ZSWIM6: variants seen among roughly 807,000 people sequenced by gnomAD.
ZSWIM6 encodes zinc finger SWIM-type containing 6.
ZSWIM6 carries 9 observed loss-of-function variants against 113.2 expected under a neutral mutation model. The observed-to-expected ratio is 0.08, with a 90% CI of 0.05 to 0.14. ZSWIM6 has a LOEUF of 0.14. Among genes scored for constraint, ZSWIM6 ranks in the 10% least tolerant of loss-of-function variants. The pLI is 1.00. For synonymous variants in ZSWIM6, 611 were observed against 606.5 expected (o/e 1.01, Z -0.11); for missense variants, 1,162 against 1,552.2 (o/e 0.75, Z 4.22).
At chr5:61,455,960 C>G (rs1039692005) in intron 1 of ZSWIM6, among the ~76,000 whole-genome samples, 11 of 152,060 alleles carry the variant, frequency 7.2e-5, no homozygotes, top group Admixed American at 5.2e-4. Context: ...CAGGCTGAAC[C>G]TTTTATTCTT....
At chr5:61,339,160 TGACA>T (rs1744474625) in intron 1 of ZSWIM6, among the ~76,000 whole-genome samples, 1 of 152,214 alleles carries the variant, frequency 6.6e-6, no homozygotes, top group East Asian at 1.9e-4. Context: ...AGTGTAGGAA[TGACA>T]TGTTTTGTTT....
At chr5:61,450,295 A>G (rs920222830) in intron 1 of ZSWIM6, among the ~76,000 whole-genome samples, 5 of 152,090 alleles carry the variant, frequency 3.3e-5, no homozygotes, top group African/African-American at 9.7e-5. Context: ...TTTGCCCCAC[A>G]CATGAAATGG....
chr5:61,334,253 C>G (rs570223541), intron 1 of ZSWIM6, among the ~76,000 whole-genome samples: 1 of 152,252 alleles, frequency 6.6e-6, no homozygotes, highest in East Asian at 1.9e-4. Context: ...CTGTCCAGAT[C>G]TTTTTCAGCC....
chr5:61,412,543 A>G (rs1447867422), intron 1 of ZSWIM6, among the ~76,000 whole-genome samples: 1 of 152,176 alleles, frequency 6.6e-6, no homozygotes, highest in Non-Finnish European at 1.5e-5. Flanking sequence ...AACTATTTGC[A>G]TATTCTTTTT....
At chr5:61,509,606 A>G (rs571356473) in intron 4 of ZSWIM6, among the ~76,000 whole-genome samples, 15 of 152,288 alleles carry the variant, frequency 9.8e-5, no homozygotes, top group Admixed American at 5.2e-4. Flanking sequence ...AGACCTTTAA[A>G]TCACTCTCTT....
intron 2 of ZSWIM6, among the ~76,000 whole-genome samples, chr5:61,484,741 A>C (rs934587156): frequency 1.3e-5 from 2 of 152,160 alleles, no homozygotes; most frequent in African/African-American, 4.8e-5. Context: ...ATGCCTACAA[A>C]CACACCAGTA....
At chr5:61,407,475 C>A (rs1746067548) in intron 1 of ZSWIM6, among the ~76,000 whole-genome samples, 1 of 152,146 alleles carries the variant, frequency 6.6e-6, no homozygotes, top group Non-Finnish European at 1.5e-5. Flanking sequence ...CCCTAAATTT[C>A]TCTATGGCAG....
chr5:61,434,813 AAG>A (rs1292717148), intron 1 of ZSWIM6, among the ~76,000 whole-genome samples: 32 of 152,226 alleles, frequency 2.1e-4, no homozygotes, highest in African/African-American at 7.7e-4. Flanking sequence ...ATGTGAAAAA[AAG>A]AAAATGTTTG....
intron 1 of ZSWIM6, among the ~76,000 whole-genome samples, chr5:61,378,246 C>A (rs530676812): frequency 2.0e-5 from 3 of 152,034 alleles, no homozygotes; most frequent in Non-Finnish European, 4.4e-5. Flanking sequence ...GCTAAATGTT[C>A]ATTATAGAAG....
At chr5:61,375,928 A>T in intron 1 of ZSWIM6, 1 of 683,584 alleles carries the variant, frequency 1.5e-6, no homozygotes, top group South Asian at 1.7e-5. Flanking sequence ...GAAAACTACA[A>T]CATATTTACT....
At chr5:61,464,448 G>A (rs1231360472) in intron 1 of ZSWIM6, among the ~76,000 whole-genome samples, 3 of 152,042 alleles carry the variant, frequency 2.0e-5, no homozygotes, top group Admixed American at 1.3e-4. Context: ...TTCTACCACG[G>A]CCTCTCCTAG....
intron 7 of ZSWIM6, among the ~76,000 whole-genome samples, chr5:61,528,884 G>A (rs556206378): frequency 8.5e-5 from 13 of 152,294 alleles, no homozygotes; most frequent in African/African-American, 3.1e-4. Context: ...CACCACGCTG[G>A]CCTGTCTTTC....
At chr5:61,486,818 G>A (rs1385401611) in intron 2 of ZSWIM6, among the ~76,000 whole-genome samples, 2 of 151,744 alleles carry the variant, frequency 1.3e-5, no homozygotes, top group Non-Finnish European at 2.9e-5. Context: ...TGATTTCCTT[G>A]TAAATTCTGG....
intron 1 of ZSWIM6, among the ~76,000 whole-genome samples, chr5:61,409,972 A>C (rs1429671029): frequency 6.6e-6 from 1 of 152,210 alleles, no homozygotes; most frequent in African/African-American, 2.4e-5. Context: ...TAAAAGTGGC[A>C]CTGTTGTGAC....
At chr5:61,455,171 C>T (rs933144497) in intron 1 of ZSWIM6, among the ~76,000 whole-genome samples, 2 of 152,098 alleles carry the variant, frequency 1.3e-5, no homozygotes, top group Non-Finnish European at 2.9e-5. Flanking sequence ...TAGTTTTCTT[C>T]CTTGTTAATA....
At chr5:61,396,691 T>C (rs1745844112) in intron 1 of ZSWIM6, among the ~76,000 whole-genome samples, 1 of 152,304 alleles carries the variant, frequency 6.6e-6, no homozygotes, top group East Asian at 1.9e-4. Context: ...CATATTGGCC[T>C]GGTTTAAATA....
chr5:61,384,748 T>C (rs1200101523), intron 1 of ZSWIM6, among the ~76,000 whole-genome samples: 1 of 152,126 alleles, frequency 6.6e-6, no homozygotes, highest in Non-Finnish European at 1.5e-5. Flanking sequence ...CTTTTTTTGC[T>C]CTGCCATCTT....
intron 1 of ZSWIM6, among the ~76,000 whole-genome samples, chr5:61,338,928 C>T (rs1209168671): frequency 1.3e-5 from 2 of 152,120 alleles, no homozygotes; most frequent in African/African-American, 2.4e-5. Flanking sequence ...ATTAATTGAA[C>T]AGTTTAAGTC....
chr5:61,499,736 A>T (rs1748413023), intron 4 of ZSWIM6, among the ~76,000 whole-genome samples: 1 of 152,158 alleles, frequency 6.6e-6, no homozygotes, highest in Non-Finnish European at 1.5e-5. Context: ...TGAGATTTTC[A>T]ATCCAACCTT....
Sources: allele counts gnomAD v4.1 joint callset (sites outside exome capture counted in the v4.1 genomes callset), GRCh38; gene constraint gnomAD v4.1.1; transcripts MANE v1.5; gene names NCBI Gene and HGNC (gene_info 2026-07-23, HGNC 2026-07-21).